INO80D: variants seen among roughly 807,000 people sequenced by gnomAD.
INO80D encodes the protein INO80 complex subunit D.
A neutral mutation model predicts 87.6 loss-of-function variants in INO80D; 21 were observed. That is an observed-to-expected ratio of 0.24 (90% confidence interval 0.17 to 0.35). The LOEUF (loss-of-function observed/expected upper bound fraction) is 0.35, where lower values mean the gene tolerates loss of function less well. Ranked by LOEUF, INO80D falls within the 10% of genes least tolerant of loss-of-function variation. INO80D has a pLI of 1.00. For synonymous variants in INO80D, 440 were observed against 491.0 expected (o/e 0.90, Z 1.37); for missense variants, 982 against 1,280.7 (o/e 0.77, Z 3.56).
intron 1 of INO80D, among the ~76,000 whole-genome samples, chr2:206,063,925 A>G (rs966780166): frequency 2.6e-5 from 4 of 152,216 alleles, no homozygotes; most frequent in African/African-American, 9.6e-5. Flanking sequence ...AACTTCTCTC[A>G]GAAATTCTAC....
intron 1 of INO80D, among the ~76,000 whole-genome samples, chr2:206,075,284 C>T (rs1690082094): frequency 6.6e-6 from 1 of 152,142 alleles, no homozygotes; most frequent in Non-Finnish European, 1.5e-5. Flanking sequence ...CACTTGATCA[C>T]CTCCATGTGG....
intron 5 of INO80D, among the ~76,000 whole-genome samples, chr2:206,038,647 CAT>C: frequency 6.6e-6 from 1 of 152,112 alleles, no homozygotes; most frequent in South Asian, 2.1e-4. Context: ...GCCTGGGCAA[CAT>C]GGTGAAACCC....
intron 5 of INO80D, among the ~76,000 whole-genome samples, chr2:206,036,194 G>A (rs531101179): frequency 1.3e-5 from 2 of 152,236 alleles, no homozygotes; most frequent in Admixed American, 6.5e-5. Context: ...ATTCCTTAAA[G>A]AACTAAAAGT....
In INO80D at chr2:206,084,649, CCT is replaced by C. The variant is rs541715602; in HGVS notation, c.-124+1250_-124+1251del. On this transcript the variant is annotated intron_variant, in intron 1 of 10. Transcript: ENST00000403263. ...TCCAGAAACCCTGCCTGATCCTGCC[CCT>C]CTCACTGACAGTCTCCTCGCTGCTC... 7 of 152,562 alleles carry C rather than the reference CCT, an allele frequency of 4.6e-5. No homozygotes were observed. In the South Asian group the frequency reaches 1.4e-3, roughly 32 times the overall value. The allele number at this position is 152,562 out of a possible 1,614,324, so 9.5% of individuals were successfully genotyped here.
At chr2:206,034,310 A>G (rs1386123620) in intron 5 of INO80D, among the ~76,000 whole-genome samples, 1 of 152,194 alleles carries the variant, frequency 6.6e-6, no homozygotes, top group Admixed American at 6.5e-5. Flanking sequence ...CCACAGACCG[A>G]TATCCCTGAT....
At chr2:206,066,233 G>A (rs1689812279) in intron 1 of INO80D, among the ~76,000 whole-genome samples, 1 of 152,066 alleles carries the variant, frequency 6.6e-6, no homozygotes, top group African/African-American at 2.4e-5. Context: ...ACTCCAGCCT[G>A]TGATGGAGCG....
intron 5 of INO80D, among the ~76,000 whole-genome samples, chr2:206,037,140 C>T (rs1345560174): frequency 6.6e-6 from 1 of 152,152 alleles, no homozygotes; most frequent in East Asian, 1.9e-4. Context: ...GAGAGATACA[C>T]CTGGCCTACC....
At chr2:206,041,798 T>G (rs931451009) in intron 5 of INO80D, among the ~76,000 whole-genome samples, 1 of 152,082 alleles carries the variant, frequency 6.6e-6, no homozygotes, top group Non-Finnish European at 1.5e-5. Flanking sequence ...ACTCAAAAAC[T>G]AAGTATCATT....
intron 1 of INO80D, among the ~76,000 whole-genome samples, chr2:206,074,321 G>C (rs1690052018): frequency 6.6e-6 from 1 of 152,142 alleles, no homozygotes; most frequent in South Asian, 2.1e-4. Flanking sequence ...TAGAATTCAA[G>C]AGTAGGAAAT....
chr2:206,049,944 C>T (rs1689305019), intron 4 of INO80D, among the ~76,000 whole-genome samples: 1 of 151,492 alleles, frequency 6.6e-6, no homozygotes, highest in East Asian at 2.0e-4. Flanking sequence ...CCAGCCTGGC[C>T]AACGTGGTGA....
chr2:206,049,491 G>T (rs1442359487), intron 4 of INO80D, among the ~76,000 whole-genome samples: 5 of 152,102 alleles, frequency 3.3e-5, no homozygotes, highest in African/African-American at 7.2e-5. Context: ...TTTCTCCTAA[G>T]ACACCTCTGA....
At position 206,000,302 on chromosome 2, in the gene INO80D, T is replaced by C. The variant is rs1000118195; in HGVS notation, c.*4066A>G. ...CTCATCTTTTTGCAATACCAACCCA[T>C]AGCGACCTTCTGAACTAACCTGGAG... is the stretch of plus-strand genomic sequence containing the variant. On this transcript the variant is annotated 3_prime_UTR_variant, in exon 11 of 11. Coordinates refer to ENST00000403263, the MANE Select transcript of INO80D (RefSeq NM_017759.5). 2.6e-5 allele frequency: 4 copies of C among 151,722 alleles called. No homozygotes were observed. Among genetic ancestry groups the C allele is most frequent in the Admixed American group, 6.6e-5 (1 of 15,184 alleles). 9.4% of individuals were successfully genotyped at this position (151,722 alleles called of 1,614,324 possible). A position where few individuals can be genotyped will look rare whatever the true frequency, so the allele number is the denominator to read the frequency against.
intron 5 of INO80D, among the ~76,000 whole-genome samples, chr2:206,034,912 A>G (rs1174371047): frequency 6.6e-6 from 1 of 152,168 alleles, no homozygotes; most frequent in Non-Finnish European, 1.5e-5. Flanking sequence ...TACAAGGTTA[A>G]TATACACCAA....
chr2:206,022,308 AG>A (rs1688485994), intron 6 of INO80D, among the ~76,000 whole-genome samples: 1 of 151,852 alleles, frequency 6.6e-6, no homozygotes, highest in African/African-American at 2.4e-5. Context: ...TGGAGGTTGC[AG>A]TGAGCCGAGA....
intron 1 of INO80D, among the ~76,000 whole-genome samples, chr2:206,082,648 G>T (rs929560951): frequency 6.6e-6 from 1 of 152,194 alleles, no homozygotes; most frequent in East Asian, 1.9e-4. Context: ...TGTTTTACCA[G>T]TTACCAGGTG....
intron 3 of INO80D, among the ~76,000 whole-genome samples, chr2:206,057,899 TAAAAAAAA>T (rs112491612): frequency 7.1e-6 from 1 of 140,160 alleles, no homozygotes; most frequent in African/African-American, 2.6e-5. Flanking sequence ...GTGGAAAGTT[TAAAAAAAA>T]AAAAAAAGAG....
rs115725254 is a variant in INO80D, at chr2:206,067,030, T to A, written c.-123-3786A>T. Among the ~76,000 whole-genome samples the A allele has an allele frequency of 3.6e-3, 544 of 152,210 alleles. 6 individuals carry two copies. The highest frequency in any genetic ancestry group is 0.012 in the African/African-American group (519 of 41,558). The stretch of plus-strand genomic sequence containing the variant: ...TGGGAGGCCAAGGCAGGTGGAACAT[T>A]TGAGCTTAGGAATTCGAGACCAGCC... On this transcript the variant is annotated intron_variant, in intron 1 of 10. Coordinates refer to ENST00000403263, the MANE Select transcript of INO80D (RefSeq NM_017759.5).
intron 1 of INO80D, among the ~76,000 whole-genome samples, chr2:206,074,310 C>A (rs2105904929): frequency 6.6e-6 from 1 of 152,244 alleles, no homozygotes; most frequent in Admixed American, 6.5e-5. Flanking sequence ...TAACCATATA[C>A]TAGAATTCAA....
intron 5 of INO80D, chr2:206,040,639 G>A (rs929834430): frequency 3.5e-5 from 8 of 230,630 alleles, no homozygotes; most frequent in East Asian, 1.2e-4. Context: ...GTCAAAGATC[G>A]AGTCTTTTGT....
Sources: gnomAD v4.1 joint callset for allele counts (sites outside exome capture counted in the v4.1 genomes callset) on GRCh38, gnomAD v4.1.1 for gene constraint, MANE v1.5 for transcripts, NCBI Gene and HGNC (gene_info 2026-07-23, HGNC 2026-07-21) for gene names.